CLYBL: variants seen among roughly 807,000 people sequenced by gnomAD.
CLYBL encodes citramalyl-CoA lyase.
A neutral mutation model predicts 38.9 loss-of-function variants in CLYBL; 31 were observed. That is an observed-to-expected ratio of 0.80 (90% confidence interval 0.60 to 1.08). The LOEUF is 1.08. Among genes scored for constraint, CLYBL ranks in the 50% least tolerant of loss-of-function variants. The pLI, the probability that CLYBL is intolerant of heterozygous loss-of-function variation, is 0.00. For missense variants in CLYBL, 434 were observed against 411.6 expected (o/e 1.05, Z -0.47); for synonymous variants, 171 against 158.6 (o/e 1.08, Z -0.59).
chr13:99,745,613 A>G (rs748492967), intron 1 of CLYBL, among the ~76,000 whole-genome samples: 7 of 152,240 alleles, frequency 4.6e-5, no homozygotes, highest in Admixed American at 2.0e-4. Flanking sequence ...GATCACATCC[A>G]TATGTTTAGT....
chr13:99,868,068 G>A (rs924193694), intron 6 of CLYBL, among the ~76,000 whole-genome samples: 1 of 151,930 alleles, frequency 6.6e-6, no homozygotes, highest in Non-Finnish European at 1.5e-5. Flanking sequence ...GTTTCTCCAC[G>A]ACGGGGAGTA....
rs1018919537 is a variant in CLYBL at position 99,815,624 on chromosome 13, G to A, written c.249+42614G>A. Among the ~76,000 whole-genome samples the A allele has an allele frequency of 3.9e-5, 6 of 152,148 alleles. No homozygotes were observed. In the East Asian group the frequency reaches 1.2e-3, roughly 29 times the overall value. ...AAATTGGCCAGGCACGGTGGCTCAG[G>A]CCTGTAATCCCAATACTTTGGGAGG... On this transcript the variant is annotated intron_variant, in intron 2 of 8. Coordinates refer to ENST00000339105, the MANE Select transcript of CLYBL (RefSeq NM_206808.5).
chr13:99,614,554 C>T (rs2046678515), intron 1 of CLYBL, among the ~76,000 whole-genome samples: 1 of 152,056 alleles, frequency 6.6e-6, no homozygotes, highest in African/African-American at 2.4e-5. Context: ...GGAGCTACAC[C>T]TGCCCGGGCA....
At chr13:99,860,395 C>T (rs1313250562) in intron 3 of CLYBL, among the ~76,000 whole-genome samples, 1 of 152,096 alleles carries the variant, frequency 6.6e-6, no homozygotes, top group African/African-American at 2.4e-5. Context: ...TTGGATCCTT[C>T]TTGAAGACCC....
intron 1 of CLYBL, among the ~76,000 whole-genome samples, chr13:99,766,321 T>C (rs1034445444): frequency 6.6e-6 from 1 of 152,196 alleles, no homozygotes; most frequent in Non-Finnish European, 1.5e-5. Context: ...TAAGGAATTC[T>C]TCAGCTCTGC....
At chr13:99,831,176 G>A (rs1392953705) in intron 2 of CLYBL, among the ~76,000 whole-genome samples, 2 of 152,186 alleles carry the variant, frequency 1.3e-5, no homozygotes, top group Non-Finnish European at 2.9e-5. Flanking sequence ...GAGGGACTGC[G>A]CCCTGCACAC....
chr13:99,728,686 G>A (rs2048527468), intron 1 of CLYBL, among the ~76,000 whole-genome samples: 3 of 151,764 alleles, frequency 2.0e-5, no homozygotes, highest in South Asian at 2.1e-4. Flanking sequence ...AGCAGTCCTC[G>A]CACGTAGCTG....
intron 2 of CLYBL, among the ~76,000 whole-genome samples, chr13:99,829,109 G>A (rs551816206): frequency 1.3e-5 from 2 of 152,162 alleles, no homozygotes; most frequent in Non-Finnish European, 2.9e-5. Context: ...TCCAAAACTC[G>A]AATCCCCTTT....
At chr13:99,788,779 C>A (rs1009076295) in intron 2 of CLYBL, among the ~76,000 whole-genome samples, 1 of 152,300 alleles carries the variant, frequency 6.6e-6, no homozygotes, top group South Asian at 2.1e-4. Flanking sequence ...AGGAATGGTA[C>A]CAGCTCCTCC....
intron 6 of CLYBL, among the ~76,000 whole-genome samples, chr13:99,866,963 G>A (rs1173569188): frequency 6.6e-6 from 1 of 152,152 alleles, no homozygotes; most frequent in Non-Finnish European, 1.5e-5. Context: ...CTGGCACTAG[G>A]ATCAGCGGGT....
chr13:99,680,075 G>A (rs557910462), intron 1 of CLYBL, among the ~76,000 whole-genome samples: 59 of 152,286 alleles, frequency 3.9e-4, no homozygotes, highest in Non-Finnish European at 6.9e-4. Flanking sequence ...TTTGAAAACT[G>A]GCTCGTGTTT....
At chr13:99,812,605 C>T (rs1348357996) in intron 2 of CLYBL, among the ~76,000 whole-genome samples, 2 of 152,196 alleles carry the variant, frequency 1.3e-5, no homozygotes, top group African/African-American at 4.8e-5. Flanking sequence ...TTTCTGTGTT[C>T]TATGACCTCC....
Position 99,767,843 on chromosome 13 carries a change from C to T in CLYBL, c.63-4981C>T, listed in dbSNP as rs563924915. ...TACTGGTATTTCCATTTTGTTCATA[C>T]GTCATTATCTTGATGTCCTTCACTT... On this transcript the variant is annotated intron_variant, in intron 1 of 8. Coordinates refer to ENST00000339105, the MANE Select transcript of CLYBL (RefSeq NM_206808.5). 1.6e-4 allele frequency among the ~76,000 whole-genome samples: 24 copies of T among 152,272 alleles called. 1 individual carries two copies. Among genetic ancestry groups the T allele is most frequent in the Admixed American group, 9.2e-4 (14 of 15,294 alleles).
chr13:99,699,135 C>G (rs2048023141), intron 1 of CLYBL, among the ~76,000 whole-genome samples: 1 of 152,138 alleles, frequency 6.6e-6, no homozygotes, highest in Admixed American at 6.5e-5. Flanking sequence ...CCTGTAATCC[C>G]AGCACCTTAG....
intron 1 of CLYBL, among the ~76,000 whole-genome samples, chr13:99,740,268 ACT>A (rs1293834054): frequency 6.6e-6 from 1 of 152,118 alleles, no homozygotes; most frequent in Non-Finnish European, 1.5e-5. Flanking sequence ...GACTTTAGTG[ACT>A]CTGCCTTTGA....
intron 1 of CLYBL, among the ~76,000 whole-genome samples, chr13:99,655,404 G>GATGT (rs2047316125): frequency 6.6e-6 from 1 of 152,182 alleles, no homozygotes; most frequent in Admixed American, 6.5e-5. Flanking sequence ...CTGGCAAGAT[G>GATGT]ATGTATGCTC....
intron 1 of CLYBL, among the ~76,000 whole-genome samples, chr13:99,660,448 T>TTTGACCTGTTGAGAACA (rs1375009876): frequency 6.6e-6 from 1 of 152,124 alleles, no homozygotes; most frequent in East Asian, 1.9e-4. Flanking sequence ...TCATTGGTCC[T>TTTGACCTGTTGAGAACA]TTGACCTGTT....
At chr13:99,646,166 T>C (rs937148900) in intron 1 of CLYBL, among the ~76,000 whole-genome samples, 4 of 152,232 alleles carry the variant, frequency 2.6e-5, no homozygotes, top group Admixed American at 2.6e-4. Flanking sequence ...AAGCAACTTA[T>C]TGGTGAATTA....
intron 7 of CLYBL, chr13:99,885,207 G>A (rs917534518): frequency 7.2e-6 from 3 of 419,274 alleles, no homozygotes; most frequent in Admixed American, 5.3e-5. Flanking sequence ...GCTATACAGA[G>A]AGCTGTACAG....
Sources: gnomAD v4.1 joint callset for allele counts (sites outside exome capture counted in the v4.1 genomes callset) on GRCh38, gnomAD v4.1.1 for gene constraint, MANE v1.5 for transcripts, NCBI Gene and HGNC (gene_info 2026-07-23, HGNC 2026-07-21) for gene names.